PDE1C: variants seen among roughly 807,000 people sequenced by gnomAD.
PDE1C encodes dual specificity calcium/calmodulin-dependent 3',5'-cyclic nucleotide phosphodiesterase 1C.
A neutral mutation model predicts 93.1 loss-of-function variants in PDE1C; 62 were observed. The ratio of observed to expected loss-of-function variants is 0.67; its 90% CI spans 0.54 to 0.82. The LOEUF is 0.82. PDE1C is among the 40% of genes least tolerant of loss of function. PDE1C has a pLI of 0.00. For synonymous variants in PDE1C, 325 were observed against 310.1 expected (o/e 1.05, Z -0.50); for missense variants, 742 against 884.6 (o/e 0.84, Z 2.04).
At chr7:31,802,308 A>G (rs1015232855) in intron 16 of PDE1C, among the ~76,000 whole-genome samples, 6 of 151,572 alleles carry the variant, frequency 4.0e-5, no homozygotes, top group Non-Finnish European at 7.4e-5. Flanking sequence ...ATGATTTTAT[A>G]ACACCTCATG....
chr7:32,182,716 A>C (rs1378493591), intron 2 of PDE1C, among the ~76,000 whole-genome samples: 2 of 152,226 alleles, frequency 1.3e-5, no homozygotes, highest in Non-Finnish European at 2.9e-5. Context: ...AAAAACTGGA[A>C]GCATTCCCTT....
chr7:31,786,771 T>C (rs1469705469), intron 16 of PDE1C: 1 of 152,216 alleles, frequency 6.6e-6, no homozygotes, highest in Non-Finnish European at 1.5e-5. Context: ...TATTTCACTA[T>C]GAGAAAAAGA....
chr7:32,269,996 AAACTCC>A (rs1379323116), intron 1 of PDE1C, among the ~76,000 whole-genome samples: 4 of 151,966 alleles, frequency 2.6e-5, no homozygotes, highest in Non-Finnish European at 4.4e-5. Flanking sequence ...GGCCAGTCTC[AAACTCC>A]TGGCCTCAAG....
intron 2 of PDE1C, among the ~76,000 whole-genome samples, chr7:31,921,269 T>C (rs985143923): frequency 5.3e-5 from 8 of 152,324 alleles, no homozygotes; most frequent in East Asian, 3.9e-4. Context: ...TAAGAGGAGA[T>C]AGAACAGGTC....
intron 1 of PDE1C, among the ~76,000 whole-genome samples, chr7:32,340,179 G>C (rs549919966): frequency 1.3e-5 from 2 of 152,122 alleles, no homozygotes; most frequent in African/African-American, 2.4e-5. Context: ...GGAGCAGGAT[G>C]GTTGAAATCT....
At chr7:32,319,676 C>A (rs546559979) in intron 1 of PDE1C, among the ~76,000 whole-genome samples, 3 of 152,196 alleles carry the variant, frequency 2.0e-5, no homozygotes, top group African/African-American at 7.2e-5. Flanking sequence ...GTAATCTGCT[C>A]AAGGTCACAG....
intron 2 of PDE1C, among the ~76,000 whole-genome samples, chr7:32,173,320 A>G (rs1327596616): frequency 6.6e-6 from 1 of 151,956 alleles, no homozygotes; most frequent in Admixed American, 6.6e-5. Context: ...GTGAGAACAC[A>G]TGGACATAGG....
At chr7:32,051,605 A>T (rs763260742) in intron 1 of PDE1C, 25 bp from the exon 2 acceptor site, 1 of 1,610,230 alleles carries the variant, frequency 6.2e-7, no homozygotes, top group Non-Finnish European at 8.5e-7. Flanking sequence ...ATAAACATAT[A>T]TCAGAAAAGG....
the PDE1C span, among the ~76,000 whole-genome samples, chr7:31,657,591 G>T: frequency 1.3e-5 from 2 of 152,104 alleles, no homozygotes; most frequent in Non-Finnish European, 2.9e-5. Context: ...CCACTGCCAA[G>T]AATAATGGCA....
intron 3 of PDE1C, among the ~76,000 whole-genome samples, chr7:32,151,208 T>A (rs1447679162): frequency 6.6e-6 from 1 of 152,146 alleles, no homozygotes; most frequent in African/African-American, 2.4e-5. Context: ...CAGCTATTTT[T>A]AAGTTAGAAC....
chr7:31,810,330 C>A (rs1373351056), intron 15 of PDE1C, among the ~76,000 whole-genome samples: 1 of 152,022 alleles, frequency 6.6e-6, no homozygotes, highest in Non-Finnish European at 1.5e-5. Context: ...CCAAAAGATC[C>A]CAATAATAAT....
At chr7:32,039,342 G>A (rs1054851576) in intron 2 of PDE1C, among the ~76,000 whole-genome samples, 2 of 152,204 alleles carry the variant, frequency 1.3e-5, no homozygotes, top group African/African-American at 4.8e-5. Context: ...TGGTATGACA[G>A]CAGAAGGATG....
At chr7:31,640,017 T>C in the PDE1C span, among the ~76,000 whole-genome samples, 1 of 152,194 alleles carries the variant, frequency 6.6e-6, no homozygotes, top group Non-Finnish European at 1.5e-5. Context: ...ATATAGGTGG[T>C]AGATAGTACT....
chr7:32,222,806 G>T (rs1006996597), intron 1 of PDE1C, among the ~76,000 whole-genome samples: 1 of 152,138 alleles, frequency 6.6e-6, no homozygotes, highest in Admixed American at 6.5e-5. Context: ...AGAACTGTCT[G>T]TTTCTCCCAG....
Position 32,350,575 on chromosome 7 carries a change from TATATATATATA to T in PDE1C, c.310+77236_310+77246del, listed in dbSNP as rs1387367339. 1.9e-3 allele frequency among the ~76,000 whole-genome samples: 3 copies of T among 1,594 alleles called. 1 individual carries two copies. The highest frequency in any genetic ancestry group is 2.1e-3 in the African/African-American group (3 of 1,406). 1.0% of individuals were successfully genotyped at this position (1,594 alleles called of 152,430 possible). On this transcript the variant is annotated intron_variant, in intron 1 of 1. Coordinates refer to the PDE1C transcript ENST00000672256. Reference sequence around the variant, plus strand: ...ATATATATATATATATATATATATATATATATATATATATATTTTTTTTTTTTTTTTTATTA... The same window carrying T: ...ATATATATATATATATATATATATATTATATTTTTTTTTTTTTTTTTATTA...
chr7:32,291,704 C>A (rs1242731622), intron 1 of PDE1C, among the ~76,000 whole-genome samples: 1 of 152,220 alleles, frequency 6.6e-6, no homozygotes. Flanking sequence ...CCTCTTTGGT[C>A]TGAACTCTAC....
chr7:31,799,466 A>G (rs1213753310), intron 16 of PDE1C, among the ~76,000 whole-genome samples: 1 of 151,770 alleles, frequency 6.6e-6, no homozygotes, highest in African/African-American at 2.4e-5. Context: ...ATTCAAATAG[A>G]ACAAAAGATG....
chr7:32,082,402 G>A (rs544467433), intron 3 of PDE1C, among the ~76,000 whole-genome samples: 1 of 152,376 alleles, frequency 6.6e-6, no homozygotes, highest in East Asian at 1.9e-4. Flanking sequence ...AAGGAGGCCT[G>A]CCTGCCTCTG....
At chr7:31,710,762 C>T in the PDE1C span, among the ~76,000 whole-genome samples, 1 of 152,274 alleles carries the variant, frequency 6.6e-6, no homozygotes, top group African/African-American at 2.4e-5. Context: ...GGAGTGAATG[C>T]ACAGAAGACG....
Sources: allele counts gnomAD v4.1 joint callset (sites outside exome capture counted in the v4.1 genomes callset), GRCh38; gene constraint gnomAD v4.1.1; transcripts MANE v1.5; gene names NCBI Gene and HGNC (gene_info 2026-07-23, HGNC 2026-07-21).